HDDC2: variants seen among roughly 807,000 people sequenced by gnomAD.
The protein encoded by HDDC2 is HD domain containing 2, also known as 5'-deoxynucleotidase HDDC2.
A neutral mutation model predicts 25.5 loss-of-function variants in HDDC2; 25 were observed. That is an observed-to-expected ratio of 0.98 (90% CI 0.72 to 1.37). HDDC2 has a LOEUF of 1.37. Ranked by LOEUF, HDDC2 falls within the 40% of genes most tolerant of loss-of-function variation. The pLI is 0.00. For synonymous variants in HDDC2, 106 were observed against 89.7 expected, an observed-to-expected ratio of 1.18 and a Z score of -1.03; for missense variants, 264 against 253.1, an observed-to-expected ratio of 1.04 and a Z score of -0.29.
intron 4 of HDDC2, among the ~76,000 whole-genome samples, chr6:125,292,448 C>G (rs1798645893): frequency 1.3e-5 from 2 of 152,110 alleles, no homozygotes; most frequent in South Asian, 4.1e-4. Context: ...CAGGGTCTTA[C>G]AGATGAGCAA....
chr6:125,276,288 AG>A (rs1554220713), intron 5 of HDDC2, 45 bp from the exon 6 acceptor site: 1 of 983,272 alleles, frequency 1.0e-6, no homozygotes, highest in Non-Finnish European at 1.5e-6. Context: ...CATATTGACA[AG>A]AGAGTATATT....
chr6:125,301,550 G>A (rs538864847), intron 1 of HDDC2, among the ~76,000 whole-genome samples: 13 of 151,516 alleles, frequency 8.6e-5, no homozygotes, highest in Admixed American at 4.6e-4. Context: ...AGTGCAGGCA[G>A]GGCCAGGCCG....
At chr6:125,295,273 C>G (rs935413069) in intron 3 of HDDC2, among the ~76,000 whole-genome samples, 7 of 152,192 alleles carry the variant, frequency 4.6e-5, no homozygotes, top group African/African-American at 1.7e-4. Context: ...AAAAATCTGC[C>G]TAAAGTGCCG....
At chr6:125,290,043 A>T (rs965841341) in intron 4 of HDDC2, among the ~76,000 whole-genome samples, 1 of 152,230 alleles carries the variant, frequency 6.6e-6, no homozygotes, top group Non-Finnish European at 1.5e-5. Flanking sequence ...AATAGATGTG[A>T]TCCTCTGGGC....
chr6:125,294,237 G>C (rs977229527), intron 3 of HDDC2, among the ~76,000 whole-genome samples: 4 of 152,166 alleles, frequency 2.6e-5, no homozygotes, highest in Non-Finnish European at 5.9e-5. Flanking sequence ...TGAGTTGCAG[G>C]AAAGCAGTGA....
chr6:125,293,846 G>A (rs1216925243), intron 3 of HDDC2, among the ~76,000 whole-genome samples: 2 of 152,174 alleles, frequency 1.3e-5, no homozygotes, highest in African/African-American at 4.8e-5. Context: ...CATTTGTCAA[G>A]CAGAGGCTAG....
At chr6:125,288,732 GT>G (rs1207659845) in intron 4 of HDDC2, among the ~76,000 whole-genome samples, 3 of 144,122 alleles carry the variant, frequency 2.1e-5, no homozygotes, top group Non-Finnish European at 3.0e-5. Flanking sequence ...ATGAAGAAAT[GT>G]TCATCATCAC....
intron 3 of HDDC2, chr6:125,293,231 G>C (rs1798657078): frequency 2.5e-6 from 1 of 407,664 alleles, no homozygotes; most frequent in Non-Finnish European, 4.6e-6. Context: ...TTACATCTGT[G>C]GATAAATCAC....
At chr6:125,294,566 T>C (rs1285275980) in intron 3 of HDDC2, among the ~76,000 whole-genome samples, 1 of 152,238 alleles carries the variant, frequency 6.6e-6, no homozygotes, top group East Asian at 1.9e-4. Flanking sequence ...CTCTACACTA[T>C]TGCAGAAACA....
intron 4 of HDDC2, among the ~76,000 whole-genome samples, chr6:125,284,387 TG>T (rs1798502242): frequency 6.6e-6 from 1 of 152,164 alleles, no homozygotes; most frequent in Non-Finnish European, 1.5e-5. Flanking sequence ...ACCTACAGAA[TG>T]GGAGAAAATT....
chr6:125,295,678 T>C (rs1798697214), intron 3 of HDDC2, among the ~76,000 whole-genome samples: 1 of 152,218 alleles, frequency 6.6e-6, no homozygotes, highest in Non-Finnish European at 1.5e-5. Context: ...TCATACTTAC[T>C]CTATGATAAA....
At chr6:125,284,512 C>G (rs1013360561) in intron 4 of HDDC2, among the ~76,000 whole-genome samples, 2 of 152,100 alleles carry the variant, frequency 1.3e-5, no homozygotes, top group Admixed American at 6.6e-5. Context: ...AGGATATGAA[C>G]AGACACTTTT....
chr6:125,293,579 G>GC (rs1164629144), intron 3 of HDDC2, among the ~76,000 whole-genome samples: 1 of 152,136 alleles, frequency 6.6e-6, no homozygotes, highest in African/African-American at 2.4e-5. Context: ...AAAAATGTGT[G>GC]CATTGGTAGG....
Position 125,277,235 on chromosome 6 carries a change from G to A in HDDC2, c.384C>T (p.Tyr128=), listed in dbSNP as rs935121341. 3.7e-6 allele frequency: 6 copies of A among 1,613,766 alleles called. No homozygotes were observed. Among genetic ancestry groups the A allele is most frequent in the Non-Finnish European group, 4.2e-6 (5 of 1,179,906 alleles). The change falls in exon 5 of 6, where the codon TAC becomes TAT. Residue 128 remains tyrosine (Y), a synonymous_variant. Transcript: ENST00000398153. ...RKELYELWEE[Y]ETQSSAEAKF... Reference sequence around the variant, plus strand: ...TGGCTTCTGCACTAGATTGGGTCTCGTACTCCTAAGTAAAGGGACAATTAA... The same window carrying A: ...TGGCTTCTGCACTAGATTGGGTCTCATACTCCTAAGTAAAGGGACAATTAA...
chr6:125,276,945 C>A (rs897762035), intron 5 of HDDC2, 157 bp downstream of exon 5: 3 of 689,576 alleles, frequency 4.4e-6, no homozygotes, highest in African/African-American at 1.8e-5. Context: ...CTATCCTCAG[C>A]CTCTTACCCG....
At chr6:125,292,756 A>G in intron 4 of HDDC2, 85 bp downstream of exon 4, 1 of 1,022,454 alleles carries the variant, frequency 9.8e-7, no homozygotes, top group African/African-American at 1.6e-5. Flanking sequence ...ACCGCTTGTT[A>G]AGATCATCTA....
At chr6:125,290,951 C>G (rs914409398) in intron 4 of HDDC2, among the ~76,000 whole-genome samples, 1 of 152,172 alleles carries the variant, frequency 6.6e-6, no homozygotes, top group African/African-American at 2.4e-5. Flanking sequence ...AAGTTTTTCA[C>G]CAGTTACTGA....
At chr6:125,293,835 G>A (rs1236126721) in intron 3 of HDDC2, among the ~76,000 whole-genome samples, 1 of 152,196 alleles carries the variant, frequency 6.6e-6, no homozygotes, top group South Asian at 2.1e-4. Flanking sequence ...GGGGCCATCT[G>A]CATTTGTCAA....
At chr6:125,292,304 TA>T (rs1798644215) in intron 4 of HDDC2, among the ~76,000 whole-genome samples, 1 of 152,056 alleles carries the variant, frequency 6.6e-6, no homozygotes, top group Admixed American at 6.6e-5. Flanking sequence ...CCTTCCAGCC[TA>T]ACCTCCCTTC....
Sources: allele counts gnomAD v4.1 joint callset (sites outside exome capture counted in the v4.1 genomes callset), GRCh38; gene constraint gnomAD v4.1.1; transcripts MANE v1.5; gene names NCBI Gene and HGNC (gene_info 2026-07-23, HGNC 2026-07-21).